DTNB: variants seen among roughly 807,000 people sequenced by gnomAD.
DTNB encodes dystrobrevin beta, also known as DTN-B.
Under a neutral mutation model 90.7 loss-of-function variants are expected in DTNB, and 63 were observed. The ratio of observed to expected loss-of-function variants is 0.69; its 90% CI spans 0.57 to 0.86. The LOEUF (loss-of-function observed/expected upper bound fraction) is 0.86. DTNB is among the 40% of genes least tolerant of loss of function. DTNB has a pLI of 0.00. For synonymous variants in DTNB, 277 were observed against 286.7 expected (o/e 0.97, Z 0.34); for missense variants, 744 against 807.1 (o/e 0.92, Z 0.95).
chr2:25,658,873 G>A (rs574376998), intron 1 of DTNB, among the ~76,000 whole-genome samples: 38 of 152,314 alleles, frequency 2.5e-4, no homozygotes, highest in African/African-American at 8.9e-4. Flanking sequence ...TGTCAACACC[G>A]ACAGAACTTT....
rs146203702 is a variant in DTNB at position 25,465,392 on chromosome 2, A to G, written c.1080-9898T>C. Among the ~76,000 whole-genome samples, 724 of 152,080 alleles carry G rather than the reference A, an allele frequency of 4.8e-3. 8 individuals carry two copies. The highest frequency in any genetic ancestry group is 0.017 in the African/African-American group (690 of 41,510). On this transcript the variant is annotated intron_variant, in intron 10 of 20. Coordinates refer to ENST00000406818, the MANE Select transcript of DTNB (RefSeq NM_021907.5). ...CTCCGTCTCAAAAAAAAAAAAAGAA[A>G]GAAAAGAAACAAAGGAAGGGGTATG...
At position 25,451,634 on chromosome 2, in the gene DTNB, C is replaced by A. The variant is rs1251650208; in HGVS notation, c.1171G>T (p.Val391Phe). Residue 391 changes from valine to phenylalanine, a missense_variant and splice_region_variant, in exon 12 of 21, where the codon GTT (valine) becomes TTT (phenylalanine). Transcript: ENST00000406818. ...TCCAGTCGGCTAGGACTGTCCAGAA[C>A]ACTGCCAAGGAAATAAAAATGCAAC... ...YVARLQHCAR[V>F]LDSPSRLDEE... 2 of 1,587,090 alleles carry A rather than the reference C, an allele frequency of 1.3e-6. No homozygotes were observed. The highest frequency in any genetic ancestry group is 8.6e-7 in the Non-Finnish European group (1 of 1,164,984).
intron 16 of DTNB, among the ~76,000 whole-genome samples, chr2:25,405,493 T>C (rs1021754783): frequency 2.0e-5 from 3 of 152,112 alleles, no homozygotes; most frequent in Non-Finnish European, 4.4e-5. Context: ...AGAGCCAAGA[T>C]TGTGCCACTG....
chr2:25,543,819 T>C (rs1198833855), intron 8 of DTNB, among the ~76,000 whole-genome samples: 3 of 152,254 alleles, frequency 2.0e-5, no homozygotes, highest in African/African-American at 4.8e-5. Context: ...TAGCAGCTAC[T>C]TTTGTTGTTG....
chr2:25,629,516 C>T (rs568738812), intron 3 of DTNB, among the ~76,000 whole-genome samples: 225 of 152,116 alleles, frequency 1.5e-3, no homozygotes, highest in African/African-American at 5.2e-3. Flanking sequence ...CCAAATTATA[C>T]GCTGTTTGTA....
chr2:25,637,084 C>A (rs2077272716), intron 3 of DTNB, among the ~76,000 whole-genome samples: 1 of 151,892 alleles, frequency 6.6e-6, no homozygotes, highest in African/African-American at 2.4e-5. Flanking sequence ...CTTTGACAAA[C>A]CTGACGAAAA....
intron 16 of DTNB, among the ~76,000 whole-genome samples, chr2:25,402,553 G>GTC (rs10636245): frequency 0.4 from 60,479 of 151,922 alleles, 14,022 homozygotes; most frequent in African/African-American, 0.63. Context: ...GTTTTATGAA[G>GTC]TCTCTCACCA....
chr2:25,649,194 A>G (rs2080260229), intron 2 of DTNB, among the ~76,000 whole-genome samples: 2 of 151,558 alleles, frequency 1.3e-5, no homozygotes, highest in East Asian at 3.9e-4. Context: ...TTTAGTAGAG[A>G]CGGGGTTTCA....
chr2:25,672,203 CAAAAAAAAAAA>C (rs5829985), intron 1 of DTNB, among the ~76,000 whole-genome samples: 23 of 42,470 alleles, frequency 5.4e-4, no homozygotes, highest in Admixed American at 4.4e-3. Flanking sequence ...CCTCGCATAG[CAAAAAAAAAAA>C]AAAAAAAAAA....
chr2:25,425,407 C>T (rs2051217073), intron 15 of DTNB, among the ~76,000 whole-genome samples: 1 of 152,146 alleles, frequency 6.6e-6, no homozygotes, highest in Non-Finnish European at 1.5e-5. Context: ...GTTGCTAATG[C>T]CCACTAGCTT....
At chr2:25,406,081 C>T (rs1407775722) in intron 16 of DTNB, among the ~76,000 whole-genome samples, 1 of 152,034 alleles carries the variant, frequency 6.6e-6, no homozygotes, top group African/African-American at 2.4e-5. Flanking sequence ...GTGCTGATAA[C>T]GGCATCAGCA....
intron 10 of DTNB, among the ~76,000 whole-genome samples, chr2:25,474,803 T>C (rs1226948829): frequency 6.6e-6 from 1 of 152,236 alleles, no homozygotes; most frequent in Non-Finnish European, 1.5e-5. Flanking sequence ...CTGTGCCACA[T>C]TTTGGTAATT....
At chr2:25,488,585 T>TA (rs1168398578) in intron 9 of DTNB, among the ~76,000 whole-genome samples, 5 of 152,210 alleles carry the variant, frequency 3.3e-5, no homozygotes, top group Non-Finnish European at 5.9e-5. Flanking sequence ...AGTTTGAAAA[T>TA]ACATGAGTGT....
At chr2:25,537,110 T>A (rs2080005856) in intron 8 of DTNB, among the ~76,000 whole-genome samples, 1 of 152,236 alleles carries the variant, frequency 6.6e-6, no homozygotes, top group East Asian at 1.9e-4. Flanking sequence ...AGGATCTACA[T>A]CTTATTCATC....
At position 25,455,435 on chromosome 2, in the gene DTNB, G is replaced by A. The variant is rs2059866771; in HGVS notation, c.1139C>T (p.Ser380Phe). 1 of 1,605,150 alleles carries A rather than the reference G, an allele frequency of 6.2e-7. No individual in the cohort carries two copies. Among genetic ancestry groups the A allele is most frequent in the Non-Finnish European group, 8.5e-7 (1 of 1,176,196 alleles). ...HLADEHALIASYVARLQHCAR... is the reference protein window; with the variant it reads ...HLADEHALIAFYVARLQHCAR... ...ACAGTGCTGCAGACGGGCCACATAGGAGGCTATCAGCGCATGCTCATCGGC... is the reference window on the plus strand; with the variant it reads ...ACAGTGCTGCAGACGGGCCACATAGAAGGCTATCAGCGCATGCTCATCGGC... Residue 380 changes from serine (S) to phenylalanine (F), a missense_variant, in exon 11 of 21, where the codon TCC becomes TTC. Physicochemically the swap from Ser to Phe is radical, Grantham distance 155 (BLOSUM62 -2). Coordinates refer to ENST00000406818, the MANE Select transcript of DTNB (RefSeq NM_021907.5).
rs544101234 is a variant in DTNB at position 25,460,787 on chromosome 2, G to C, written c.1080-5293C>G. Among the ~76,000 whole-genome samples the C allele has an allele frequency of 5.3e-5, 8 of 152,196 alleles. 1 individual carries two copies. In the East Asian group the frequency reaches 1.5e-3, roughly 29 times the overall value. On this transcript the variant is annotated intron_variant, in intron 10 of 20. Coordinates refer to ENST00000406818, the MANE Select transcript of DTNB (RefSeq NM_021907.5). ...TGGGTGTGTTTGAAAGGAAATGGCA[G>C]AACAGAAATTGAAGTTTCTTTCTAC...
At chr2:25,515,833 T>G (rs1263747984) in intron 9 of DTNB, among the ~76,000 whole-genome samples, 2 of 152,102 alleles carry the variant, frequency 1.3e-5, no homozygotes, top group Admixed American at 6.6e-5. Flanking sequence ...TGCCTCGGCC[T>G]CCCAAAGTGC....
chr2:25,397,162 C>A (rs2042584702), intron 16 of DTNB, among the ~76,000 whole-genome samples: 1 of 149,910 alleles, frequency 6.7e-6, no homozygotes, highest in South Asian at 2.1e-4. Context: ...AAAATCTGAA[C>A]CCAAATGTTC....
intron 9 of DTNB, among the ~76,000 whole-genome samples, chr2:25,522,327 A>G (rs2076288281): frequency 6.6e-6 from 1 of 152,256 alleles, no homozygotes; most frequent in Non-Finnish European, 1.5e-5. Flanking sequence ...CTGTAGGTAC[A>G]TGACTTGTAT....
Sources: gnomAD v4.1 joint callset for allele counts (sites outside exome capture counted in the v4.1 genomes callset) on GRCh38, gnomAD v4.1.1 for gene constraint, MANE v1.5 for transcripts, NCBI Gene and HGNC (gene_info 2026-07-23, HGNC 2026-07-21) for gene names.